The following TMEM163 variants were observed in gnomAD, a reference collection of about 807,000 sequenced individuals.
The protein encoded by TMEM163 is transmembrane protein 163.
A neutral mutation model predicts 29.3 loss-of-function variants in TMEM163; 17 were observed. The observed-to-expected ratio is 0.58, with a 90% CI of 0.40 to 0.87. The LOEUF (loss-of-function observed/expected upper bound fraction) is 0.87, where lower values mean the gene tolerates loss of function less well. Ranked by LOEUF, TMEM163 falls within the 40% of genes least tolerant of loss-of-function variation. The pLI, the probability that TMEM163 is intolerant of heterozygous loss-of-function variation, is 0.00. For synonymous variants in TMEM163, 157 were observed against 160.6 expected, an observed-to-expected ratio of 0.98 and a Z score of 0.17; for missense variants, 303 against 381.5, an observed-to-expected ratio of 0.79 and a Z score of 1.71.
intron 2 of TMEM163, among the ~76,000 whole-genome samples, chr2:134,625,894 C>CA (rs1323740106): frequency 6.6e-6 from 1 of 152,216 alleles, no homozygotes; most frequent in Non-Finnish European, 1.5e-5. Context: ...AACCCGCTTA[C>CA]AGCGTGTAAG....
At chr2:134,557,924 G>A (rs796539113) in intron 2 of TMEM163, among the ~76,000 whole-genome samples, 30 of 152,190 alleles carry the variant, frequency 2.0e-4, no homozygotes, top group African/African-American at 7.2e-4. Flanking sequence ...TTTAGATTAG[G>A]GATTTGGGGG....
At chr2:134,519,883 C>G (rs1342280164) in intron 4 of TMEM163, among the ~76,000 whole-genome samples, 1 of 130,696 alleles carries the variant, frequency 7.7e-6, no homozygotes, top group African/African-American at 3.3e-5. Flanking sequence ...GAGCAAGACC[C>G]CACCTCAAAA....
intron 1 of TMEM163, 43 bp downstream of exon 1, chr2:134,718,691 C>A: frequency 8.9e-7 from 1 of 1,124,266 alleles, no homozygotes. Flanking sequence ...GGGCCCCGAG[C>A]AGCCACCCCG....
chr2:134,630,469 G>T (rs1010590681), intron 2 of TMEM163, among the ~76,000 whole-genome samples: 1 of 151,940 alleles, frequency 6.6e-6, no homozygotes, highest in Admixed American at 6.6e-5. Context: ...CCAATGCAGC[G>T]CTGTGCAGAG....
chr2:134,629,679 T>A (rs1357760702), intron 2 of TMEM163, among the ~76,000 whole-genome samples: 1 of 152,236 alleles, frequency 6.6e-6, no homozygotes, highest in East Asian at 1.9e-4. Flanking sequence ...ATATTTACTT[T>A]TCTAAATAAA....
At chr2:134,579,007 T>C (rs1171107006) in intron 2 of TMEM163, among the ~76,000 whole-genome samples, 1 of 152,154 alleles carries the variant, frequency 6.6e-6, no homozygotes, top group African/African-American at 2.4e-5. Context: ...GTTCAGTTAT[T>C]CCTGCAGGAG....
intron 5 of TMEM163, chr2:134,467,150 C>T (rs1039223875): frequency 2.0e-5 from 3 of 152,204 alleles, no homozygotes; most frequent in Non-Finnish European, 4.4e-5. Context: ...TCACTGGAAA[C>T]AGGGTATCTG....
At chr2:134,494,036 G>A (rs758257097) in intron 5 of TMEM163, among the ~76,000 whole-genome samples, 7 of 152,052 alleles carry the variant, frequency 4.6e-5, no homozygotes, top group Non-Finnish European at 5.9e-5. Flanking sequence ...TCCCCCCACC[G>A]GAACTAGGCA....
chr2:134,570,495 T>TATACAC (rs1231060715), intron 2 of TMEM163, among the ~76,000 whole-genome samples: 35 of 136,444 alleles, frequency 2.6e-4, no homozygotes, highest in African/African-American at 8.5e-4. Context: ...TACATATACA[T>TATACAC]ATACATATAC....
At chr2:134,605,814 G>A (rs571610191) in intron 2 of TMEM163, among the ~76,000 whole-genome samples, 26 of 152,212 alleles carry the variant, frequency 1.7e-4, no homozygotes, top group African/African-American at 6.3e-4. Context: ...CCAAACACAT[G>A]GAAAGGTAAA....
rs1185626349 is a variant in TMEM163 at position 134,653,099 on chromosome 2, T to A, written c.322+60101A>T. 1.8e-5 allele frequency among the ~76,000 whole-genome samples: 2 copies of A among 113,930 alleles called. 1 individual carries two copies. Among genetic ancestry groups the A allele is most frequent in the Non-Finnish European group, 3.4e-5 (2 of 58,576 alleles). The allele number at this position is 113,930 out of a possible 152,430, so 74.7% of individuals were successfully genotyped here. ...GAGGATTCCCTCTTTTTCTATTGATTGGAATAGTTTCAGAAGGAATGGTAC... is the reference window on the plus strand; with the variant it reads ...GAGGATTCCCTCTTTTTCTATTGATAGGAATAGTTTCAGAAGGAATGGTAC... On this transcript the variant is annotated intron_variant, in intron 2 of 7. Coordinates refer to ENST00000281924, the MANE Select transcript of TMEM163 (RefSeq NM_030923.5).
chr2:134,706,806 A>C (rs1205313990), intron 2 of TMEM163, among the ~76,000 whole-genome samples: 1 of 152,138 alleles, frequency 6.6e-6, no homozygotes, highest in Non-Finnish European at 1.5e-5. Flanking sequence ...CAAGATCATG[A>C]GGGACCTCGT....
At chr2:134,583,765 G>T (rs1681749329) in intron 2 of TMEM163, among the ~76,000 whole-genome samples, 1 of 151,992 alleles carries the variant, frequency 6.6e-6, no homozygotes, top group African/African-American at 2.4e-5. Flanking sequence ...CACACTGTCT[G>T]CCTGCCCCCT....
chr2:134,499,563 G>A (rs1423944094), intron 5 of TMEM163, among the ~76,000 whole-genome samples: 2 of 152,202 alleles, frequency 1.3e-5, no homozygotes, highest in Non-Finnish European at 2.9e-5. Flanking sequence ...GCAACACCAC[G>A]AGGCTCAGAG....
intron 4 of TMEM163, among the ~76,000 whole-genome samples, chr2:134,524,853 A>G (rs539446923): frequency 3.3e-5 from 5 of 150,516 alleles, no homozygotes; most frequent in Admixed American, 3.3e-4. Context: ...TGTTTATAAT[A>G]GAATGATTTC....
chr2:134,610,007 G>C (rs1406130741), intron 2 of TMEM163, among the ~76,000 whole-genome samples: 1 of 152,232 alleles, frequency 6.6e-6, no homozygotes, highest in South Asian at 2.1e-4. Flanking sequence ...GCTGCTGGGT[G>C]GGGTGAGGCA....
chr2:134,477,039 C>T (rs1471385053), intron 5 of TMEM163, among the ~76,000 whole-genome samples: 1 of 152,160 alleles, frequency 6.6e-6, no homozygotes, highest in Non-Finnish European at 1.5e-5. Flanking sequence ...GACTGCACAC[C>T]ACACCTACGT....
intron 2 of TMEM163, among the ~76,000 whole-genome samples, chr2:134,695,955 G>A (rs372257692): frequency 2.0e-5 from 3 of 151,710 alleles, no homozygotes; most frequent in South Asian, 2.1e-4. Flanking sequence ...GGAGGCTGAG[G>A]TAGGAGAATT....
intron 2 of TMEM163, among the ~76,000 whole-genome samples, chr2:134,653,215 A>C (rs1299298965): frequency 1.3e-5 from 1 of 79,132 alleles, no homozygotes; most frequent in African/African-American, 7.5e-5. Flanking sequence ...TTATTGCCAC[A>C]ATTTCAGCTC....
Sources: gnomAD v4.1 joint callset for allele counts (sites outside exome capture counted in the v4.1 genomes callset) on GRCh38, gnomAD v4.1.1 for gene constraint, MANE v1.5 for transcripts, NCBI Gene and HGNC (gene_info 2026-07-23, HGNC 2026-07-21) for gene names.